The following CYFIP2 variants were observed in gnomAD, a reference collection of about 807,000 sequenced individuals.
CYFIP2 encodes the protein cytoplasmic FMR1 interacting protein 2, also known as cytoplasmic FMR1-interacting protein 2.
CYFIP2 carries 29 observed loss-of-function variants against 158.7 expected under a neutral mutation model. That is an observed-to-expected ratio of 0.18 (90% CI 0.14 to 0.25). The LOEUF is 0.25. Among genes scored for constraint, CYFIP2 ranks in the 10% least tolerant of loss-of-function variants. CYFIP2 has a pLI of 1.00. For missense variants in CYFIP2, 852 were observed against 1,639.5 expected (o/e 0.52, Z 8.29); for synonymous variants, 585 against 617.6 (o/e 0.95, Z 0.78).
intron 1 of CYFIP2, 123 bp from the exon 2 acceptor site, chr5:157,285,216 G>A: frequency 1.6e-6 from 1 of 637,572 alleles, no homozygotes; most frequent in African/African-American, 1.8e-5. Context: ...AGTGGTGAGT[G>A]GAAGTGGCCT....
intron 13 of CYFIP2, among the ~76,000 whole-genome samples, chr5:157,318,864 A>G (rs911553298): frequency 1.3e-5 from 2 of 152,196 alleles, no homozygotes; most frequent in African/African-American, 4.8e-5. Flanking sequence ...AGAAATTAAT[A>G]TTAGAGGCCA....
chr5:157,324,463 C>A (rs1451755143), intron 16 of CYFIP2, among the ~76,000 whole-genome samples: 1 of 152,222 alleles, frequency 6.6e-6, no homozygotes, highest in Non-Finnish European at 1.5e-5. Flanking sequence ...GCATCCCAGT[C>A]CTGTGTTCTT....
intron 26 of CYFIP2, among the ~76,000 whole-genome samples, chr5:157,365,772 C>T (rs1010826438): frequency 3.5e-5 from 2 of 57,398 alleles, no homozygotes; most frequent in African/African-American, 1.7e-4. Flanking sequence ...TATGTTTTCC[C>T]TTTCCTTTCT....
intron 3 of CYFIP2, among the ~76,000 whole-genome samples, chr5:157,289,523 C>G (rs1326321874): frequency 6.6e-6 from 1 of 152,146 alleles, no homozygotes; most frequent in Non-Finnish European, 1.5e-5. Context: ...AGACTTTTTT[C>G]CTTGGCTCCC....
intron 18 of CYFIP2, among the ~76,000 whole-genome samples, chr5:157,327,414 A>G (rs1476477292): frequency 2.0e-5 from 3 of 151,940 alleles, no homozygotes; most frequent in South Asian, 2.1e-4. Context: ...AAAATACAAA[A>G]ATTAGCCAGG....
intron 1 of CYFIP2, among the ~76,000 whole-genome samples, chr5:157,275,582 C>A (rs1412046855): frequency 6.6e-6 from 1 of 152,150 alleles, no homozygotes; most frequent in Non-Finnish European, 1.5e-5. Flanking sequence ...GTGAGTCTTC[C>A]ATTTTTGTTC....
chr5:157,308,006 A>G, intron 9 of CYFIP2, 141 bp downstream of exon 9: 2 of 598,112 alleles, frequency 3.3e-6, no homozygotes, highest in Non-Finnish European at 6.0e-6. Context: ...AAGAGTAGGA[A>G]GAGGAGGAGA....
At position 157,326,965 on chromosome 5, in the gene CYFIP2, G is replaced by A. The variant is rs147396469; in HGVS notation, c.2079+698G>A. Among the ~76,000 whole-genome samples the A allele has an allele frequency of 6.6e-3, 1,012 of 152,270 alleles. 6 individuals carry two copies. Among genetic ancestry groups the A allele is most frequent in the Non-Finnish European group, 7.0e-3 (475 of 68,018 alleles). On this transcript the variant is annotated intron_variant, in intron 18 of 30. Transcript: ENST00000620254. ...GAGTCTGGTGAAAAAAGGACCAAAGGTTAATCACATAAATATTAAACATGA... is the reference window on the plus strand; with the variant it reads ...GAGTCTGGTGAAAAAAGGACCAAAGATTAATCACATAAATATTAAACATGA...
intron 23 of CYFIP2, chr5:157,343,076 T>G (rs562188709): frequency 6.2e-7 from 1 of 1,613,800 alleles, no homozygotes; most frequent in African/African-American, 1.3e-5. Context: ...CCCATTGGCC[T>G]CCTCCATGTG....
intron 23 of CYFIP2, among the ~76,000 whole-genome samples, chr5:157,350,723 T>C (rs1344031312): frequency 6.6e-6 from 1 of 152,230 alleles, no homozygotes; most frequent in East Asian, 1.9e-4. Flanking sequence ...TTTGGCAGTG[T>C]TGTCATTTCC....
intron 13 of CYFIP2, among the ~76,000 whole-genome samples, chr5:157,319,487 C>T (rs1760417669): frequency 6.6e-6 from 1 of 152,174 alleles, no homozygotes; most frequent in East Asian, 1.9e-4. Flanking sequence ...GGAGCTCATG[C>T]GAGGATGAAA....
intron 23 of CYFIP2, among the ~76,000 whole-genome samples, chr5:157,358,256 T>G (rs1763553051): frequency 6.6e-6 from 1 of 152,126 alleles, no homozygotes; most frequent in Non-Finnish European, 1.5e-5. Flanking sequence ...TCCTTCAAAT[T>G]CAGTTATGGT....
chr5:157,336,951 C>G (rs1248081539), intron 21 of CYFIP2, among the ~76,000 whole-genome samples: 2 of 152,234 alleles, frequency 1.3e-5, no homozygotes. Flanking sequence ...GCAGCAGCCT[C>G]TGCCTCTCCT....
rs1461152506 is a variant in CYFIP2 at position 157,285,452 on chromosome 5, C to T, written c.91C>T (p.Pro31Ser). 1 of 1,572,824 alleles carries T rather than the reference C, an allele frequency of 6.4e-7. No homozygotes were observed. The highest frequency in any genetic ancestry group is 1.9e-5 in the Admixed American group (1 of 53,704). ...PLPDQQPCIEPPPSSIMYQAN... is the reference protein window; with the variant it reads ...PLPDQQPCIESPPSSIMYQAN... ...CCCCGACCAGCAGCCATGCATCGAGCCTCCACCTTCCTCCATCATGTACCA... is the reference window on the plus strand; with the variant it reads ...CCCCGACCAGCAGCCATGCATCGAGTCTCCACCTTCCTCCATCATGTACCA... The change falls in exon 2 of 31, where the codon CCT becomes TCT. Residue 31 changes from proline to serine, a missense_variant. By Grantham distance (74) the Pro-to-Ser change is moderately conservative (BLOSUM62 -1). Coordinates refer to ENST00000620254, the MANE Select transcript of CYFIP2 (RefSeq NM_001037333.3).
At chr5:157,277,393 G>A (rs990008837) in intron 1 of CYFIP2, among the ~76,000 whole-genome samples, 2 of 152,100 alleles carry the variant, frequency 1.3e-5, no homozygotes, top group Non-Finnish European at 2.9e-5. Context: ...CCTTATCTGT[G>A]TTATTAATAG....
intron 23 of CYFIP2, among the ~76,000 whole-genome samples, chr5:157,349,867 C>T (rs182876732): frequency 6.6e-6 from 1 of 152,228 alleles, no homozygotes; most frequent in Non-Finnish European, 1.5e-5. Flanking sequence ...TGATCATTAG[C>T]GATGCTGAGC....
At chr5:157,387,603 T>TA (rs1442639293) in intron 28 of CYFIP2, among the ~76,000 whole-genome samples, 3 of 152,180 alleles carry the variant, frequency 2.0e-5, no homozygotes, top group Non-Finnish European at 4.4e-5. Context: ...TGGGGAGCCC[T>TA]TTCTGGGGCC....
intron 11 of CYFIP2, among the ~76,000 whole-genome samples, chr5:157,313,987 T>C (rs985256982): frequency 6.6e-6 from 1 of 152,158 alleles, no homozygotes; most frequent in Non-Finnish European, 1.5e-5. Flanking sequence ...CCCAGCACTT[T>C]GGGAGGTTGA....
At chr5:157,281,890 G>A (rs1218683246) in intron 1 of CYFIP2, among the ~76,000 whole-genome samples, 1 of 151,902 alleles carries the variant, frequency 6.6e-6, no homozygotes, top group Non-Finnish European at 1.5e-5. Flanking sequence ...TGTTTTTTAA[G>A]TAGAAGATGT....
Sources: allele counts gnomAD v4.1 joint callset (sites outside exome capture counted in the v4.1 genomes callset), GRCh38; gene constraint gnomAD v4.1.1; transcripts MANE v1.5; gene names NCBI Gene and HGNC (gene_info 2026-07-23, HGNC 2026-07-21).